The following TNIP2 variants were observed in gnomAD, a reference collection of about 807,000 sequenced individuals.
TNIP2 encodes TNFAIP3 interacting protein 2.
In TNIP2, 30 loss-of-function variants were observed where a neutral mutation model predicts 43.7. That is an observed-to-expected ratio of 0.69 (90% CI 0.51 to 0.93). The LOEUF is 0.93. Ranked by LOEUF, TNIP2 falls within the 40% of genes least tolerant of loss-of-function variation. The pLI is 0.00. For missense variants in TNIP2, 599 were observed against 591.0 expected (o/e 1.01, Z -0.14); for synonymous variants, 260 against 254.6 (o/e 1.02, Z -0.20).
chr4:2,752,810 G>A (rs1722135963), intron 1 of TNIP2, among the ~76,000 whole-genome samples: 1 of 152,118 alleles, frequency 6.6e-6, no homozygotes, highest in African/African-American at 2.4e-5. Context: ...TTGAGAGGCC[G>A]AGACAGGAGG....
At chr4:2,753,443 A>C (rs886923396) in intron 1 of TNIP2, among the ~76,000 whole-genome samples, 12 of 152,292 alleles carry the variant, frequency 7.9e-5, no homozygotes, top group African/African-American at 2.9e-4. Context: ...CTGTCTCAAA[A>C]AAATAAAAAA....
At position 2,756,147 on chromosome 4, in the gene TNIP2, A is replaced by T. The variant is rs1428159955; in HGVS notation, c.143T>A (p.Leu48His). 3.4e-6 allele frequency: 5 copies of T among 1,475,178 alleles called. No homozygotes were observed. The highest frequency in any genetic ancestry group is 4.5e-6 in the Non-Finnish European group (5 of 1,121,314). The allele number at this position is 1,475,178 out of a possible 1,614,324, so 91.4% of individuals were successfully genotyped here. ...CTCCAGCGCGGCCAGGCGGGCGCGG[A>T]GGCGAGCGATGAGGGCGTCGCGGGC... ...LAARDALIAR[L>H]RARLAALEGD... is the part of the protein sequence containing the mutation. Residue 48 changes from leucine to histidine, a missense_variant, in exon 1 of 6, where the codon CTC (leucine) becomes CAC (histidine). Transcript: ENST00000315423.
At position 2,744,683 on chromosome 4, in the gene TNIP2, C is replaced by T. The variant is rs770122286; in HGVS notation, c.906+14G>A. 12 of 1,596,662 alleles carry T rather than the reference C, an allele frequency of 7.5e-6. No homozygotes were observed. Among genetic ancestry groups the T allele is most frequent in the Middle Eastern group, 1.6e-4 (1 of 6,064 alleles). ...CATCTGGTCAGTGCCGTCCGGAGCC[C>T]GAGGGACAGACACCTGCTGTTCCAG... On this transcript the variant is annotated intron_variant, in intron 4 of 5. Transcript: ENST00000315423. This position sits in a 1 kb window ranked among gnomAD's most constrained non-coding sequence, Gnocchi z 5.1.
chr4:2,754,049 G>A (rs1403094689), intron 1 of TNIP2, among the ~76,000 whole-genome samples: 1 of 152,214 alleles, frequency 6.6e-6, no homozygotes, highest in African/African-American at 2.4e-5. Context: ...TGGGACTACA[G>A]CGGCTATTTT....
chr4:2,754,562 G>A (rs1380288950), intron 1 of TNIP2, among the ~76,000 whole-genome samples: 2 of 152,060 alleles, frequency 1.3e-5, no homozygotes, highest in Admixed American at 6.6e-5. Flanking sequence ...GACTACAGGC[G>A]CCCGCCACCA....
Position 2,742,068 on chromosome 4 carries a change from G to C in TNIP2, c.*189C>G, listed in dbSNP as rs1295698058. The C allele has an allele frequency of 4.2e-6, 2 of 474,880 alleles. No individual in the cohort carries two copies. Among genetic ancestry groups the C allele is most frequent in the Non-Finnish European group, 6.8e-6 (2 of 291,994 alleles). The allele number at this position is 474,880 out of a possible 1,614,324, so 29.4% of individuals were successfully genotyped here. A position where few individuals can be genotyped will look rare whatever the true frequency, so the allele number is the denominator to read the frequency against. On this transcript the variant is annotated 3_prime_UTR_variant, in exon 6 of 6. Coordinates refer to ENST00000315423, the MANE Select transcript of TNIP2 (RefSeq NM_024309.4). ...TCCACCTCCAGCCTCCAGCCTCACT[G>C]GCAGTTCCCTGTGACCCAGCCTGTT...
rs112837508 is a variant in TNIP2 at position 2,742,364 on chromosome 4, C to T, written c.1183G>A (p.Ala395Thr). ...AGGTCCCCCTGGCCTCTCTGGGCCGCGCCAGGATGCCCGCCCTCTGCAGGG... is the reference window on the plus strand; with the variant it reads ...AGGTCCCCCTGGCCTCTCTGGGCCGTGCCAGGATGCCCGCCCTCTGCAGGG... ...EPPAEGGHPGAAQRGQGDLQC... is the reference protein window; with the variant it reads ...EPPAEGGHPGTAQRGQGDLQC... The change falls in exon 6 of 6, where the codon GCG becomes ACG. Residue 395 changes from alanine (A) to threonine (T), a missense_variant. By Grantham distance (58) the Ala-to-Thr change is moderately conservative. Coordinates refer to ENST00000315423, the MANE Select transcript of TNIP2 (RefSeq NM_024309.4). 115 of 1,602,220 alleles carry T rather than the reference C, an allele frequency of 7.2e-5. No homozygotes were observed. Among genetic ancestry groups the T allele is most frequent in the African/African-American group, 2.3e-4 (17 of 74,476 alleles).
Position 2,747,010 on chromosome 4 carries a change from C to T in TNIP2, c.567+645G>A, listed in dbSNP as rs937016035. Among the ~76,000 whole-genome samples the T allele has an allele frequency of 3.9e-5, 6 of 152,234 alleles. No individual in the cohort carries two copies. The East Asian group carries it at 5.8e-4, about 15-fold the overall frequency. ...AGCCTATCCTGGAGGTCCAGCGAACCCTTCTTTGGCCCTCACTGTCACTTG... is the reference window on the plus strand; with the variant it reads ...AGCCTATCCTGGAGGTCCAGCGAACTCTTCTTTGGCCCTCACTGTCACTTG... On this transcript the variant is annotated intron_variant, in intron 2 of 5. Coordinates refer to ENST00000315423, the MANE Select transcript of TNIP2 (RefSeq NM_024309.4).
chr4:2,745,831 G>A (rs1721934795), intron 2 of TNIP2, among the ~76,000 whole-genome samples: 1 of 152,212 alleles, frequency 6.6e-6, no homozygotes, highest in Non-Finnish European at 1.5e-5. Flanking sequence ...TTAAATATTT[G>A]GAATGTAAAT....
chr4:2,745,578 A>G, intron 2 of TNIP2, 43 bp from the exon 3 acceptor site: 1 of 1,428,232 alleles, frequency 7.0e-7, no homozygotes, highest in Non-Finnish European at 9.9e-7. Context: ...TGTCACATAC[A>G]GCAAGAGGGG....
chr4:2,748,179 AT>A (rs999653728), intron 1 of TNIP2, among the ~76,000 whole-genome samples: 368 of 145,004 alleles, frequency 2.5e-3, no homozygotes, highest in Admixed American at 2.7e-3. Context: ...TTCATCTCAA[AT>A]TTTTTTTTTT....
chr4:2,755,919 T>G lies in TNIP2; in HGVS notation c.276+95A>C, dbSNP rs1577314685. 6.3e-6 allele frequency: 8 copies of G among 1,273,240 alleles called. No individual in the cohort carries two copies. In the South Asian group the frequency reaches 1.2e-4, roughly 19 times the overall value. The allele number at this position is 1,273,240 out of a possible 1,614,324, so 78.9% of individuals were successfully genotyped here. A position where few individuals can be genotyped will look rare whatever the true frequency, so the allele number is the denominator to read the frequency against. On this transcript the variant is annotated intron_variant, in intron 1 of 5. Transcript: ENST00000315423. Reference sequence around the variant, plus strand: ...CAGGACCCAGTACCCCCTCAACCCCTCAGGACCCGGGGCCCGCTCGCTCAC... The same window carrying G: ...CAGGACCCAGTACCCCCTCAACCCCGCAGGACCCGGGGCCCGCTCGCTCAC...
chr4:2,754,577 C>T (rs1722180849), intron 1 of TNIP2, among the ~76,000 whole-genome samples: 1 of 152,194 alleles, frequency 6.6e-6, no homozygotes, highest in Admixed American at 6.5e-5. Flanking sequence ...CCACCACGCC[C>T]AGCTAATTTT....
In TNIP2 at chr4:2,742,486, G is replaced by C. The variant is rs1180583588; in HGVS notation, c.1061C>G (p.Ala354Gly). 6.2e-7 allele frequency: 1 copy of C among 1,602,034 alleles called. No homozygotes were observed. Among genetic ancestry groups the C allele is most frequent in the Non-Finnish European group, 8.5e-7 (1 of 1,172,162 alleles). Residue 354 changes from alanine (A) to glycine (G), a missense_variant, in exon 6 of 6, where the codon GCT becomes GGT. By Grantham distance (60) the Ala-to-Gly change is moderately conservative (BLOSUM62 0). Transcript: ENST00000315423. Reference sequence around the variant, plus strand: ...CAAATACTTGGCAGTTTTGCTCCCAGCGTGAATCCGGCCGGCGTCTGGCTC... The same window carrying C: ...CAAATACTTGGCAGTTTTGCTCCCACCGTGAATCCGGCCGGCGTCTGGCTC... Reference protein sequence around the residue: ...SREPDAGRIHAGSKTAKYLAA... With the variant: ...SREPDAGRIHGGSKTAKYLAA...
rs1721868854 is a variant in TNIP2, at chr4:2,744,055, A to T, written c.1026+332T>A. Among the ~76,000 whole-genome samples, 1 of 152,226 alleles carries T rather than the reference A, an allele frequency of 6.6e-6. No individual in the cohort carries two copies. Among genetic ancestry groups the T allele is most frequent in the Non-Finnish European group, 1.5e-5 (1 of 68,030 alleles). ...TAAGCGGGGTTCCCGTCTCACAGAC[A>T]GGTCAGGACACGTAGGGAGCTCACA... On this transcript the variant is annotated intron_variant, in intron 5 of 5. Coordinates refer to ENST00000315423, the MANE Select transcript of TNIP2 (RefSeq NM_024309.4). This position sits in a 1 kb window ranked among gnomAD's most constrained non-coding sequence, Gnocchi z 5.1.
In TNIP2 at chr4:2,744,951, G is replaced by C. The variant is rs367562172; in HGVS notation, c.658-6C>G. On this transcript the variant is annotated splice_region_variant and splice_polypyrimidine_tract_variant and intron_variant, in intron 3 of 5. Transcript: ENST00000315423. The surrounding 1 kb of genome is among the most constrained non-coding windows in gnomAD (Gnocchi z 5.1). ...TTGGCATTGAGGTCTTCAACCTGAA[G>C]AGGTGGAGCCGGAAAGCTCACGGTG... 12 of 1,598,866 alleles carry C rather than the reference G, an allele frequency of 7.5e-6. No individual in the cohort carries two copies. The African/African-American group carries it at 1.6e-4, about 21-fold the overall frequency.
At chr4:2,747,299 C>T (rs898315432) in intron 2 of TNIP2, among the ~76,000 whole-genome samples, 3 of 152,324 alleles carry the variant, frequency 2.0e-5, no homozygotes, top group Non-Finnish European at 4.4e-5. Context: ...TCAGTTTCCT[C>T]GGATGGAGGA....
At chr4:2,752,980 G>A in intron 1 of TNIP2, among the ~76,000 whole-genome samples, 1 of 152,120 alleles carries the variant, frequency 6.6e-6, no homozygotes. Context: ...TGGGAGGGCT[G>A]GTTGAGCCCA....
At chr4:2,748,373 C>T (rs1381268819) in intron 1 of TNIP2, among the ~76,000 whole-genome samples, 4 of 151,812 alleles carry the variant, frequency 2.6e-5, no homozygotes, top group Non-Finnish European at 5.9e-5. Context: ...GACGGAGTCT[C>T]GCTCTGTCGC....
Sources: gnomAD v4.1 joint callset for allele counts (sites outside exome capture counted in the v4.1 genomes callset) on GRCh38, gnomAD v4.1.1 for gene constraint, Gnocchi (gnomAD v3.1) non-coding constraint, MANE v1.5 for transcripts, NCBI Gene and HGNC (gene_info 2026-07-23, HGNC 2026-07-21) for gene names.